Variants in SMKR1 observed in about 807,000 individuals in gnomAD.
The protein encoded by SMKR1 is small lysine-rich protein 1.
Under a neutral mutation model 4.0 loss-of-function variants are expected in SMKR1, and 4 were observed. The observed-to-expected ratio is 1.00, with a 90% CI of 0.49 to 2.30. The LOEUF (loss-of-function observed/expected upper bound fraction) is 2.30, where lower values mean the gene tolerates loss of function less well. SMKR1 is among the 30% of genes most tolerant of loss of function. The pLI is 0.02. For synonymous variants in SMKR1, 38 were observed against 32.5 expected, an observed-to-expected ratio of 1.17 and a Z score of -0.58; for missense variants, 56 against 81.8, an observed-to-expected ratio of 0.68 and a Z score of 1.22.
intron 1 of SMKR1, among the ~76,000 whole-genome samples, chr7:129,511,044 A>C (rs1799521207): frequency 6.6e-6 from 1 of 152,190 alleles, no homozygotes; most frequent in Admixed American, 6.5e-5. Flanking sequence ...TCCTGACCTC[A>C]GGTGATCCAC....
rs1293591411 is a variant in SMKR1, at chr7:129,502,575, G to T, written c.-250G>T. On this transcript the variant is annotated 5_prime_UTR_variant, in exon 1 of 2. Coordinates refer to ENST00000462322, the MANE Select transcript of SMKR1 (RefSeq NM_001195243.2). ...ACAGCTGCGGCGGCCTAGGTGCCGC[G>T]TGGGGCAAGCAGGTGCCTCGCGTCC... 4.8e-6 allele frequency: 2 copies of T among 417,498 alleles called. No homozygotes were observed. The highest frequency in any genetic ancestry group is 6.3e-4 in the Middle Eastern group (1 of 1,582). The allele number at this position is 417,498 out of a possible 1,614,324, so 25.9% of individuals were successfully genotyped here.
At position 129,502,759 on chromosome 7, in the gene SMKR1, G is replaced by C. The variant is rs1314450782; in HGVS notation, c.-66G>C. On this transcript the variant is annotated 5_prime_UTR_variant, in exon 1 of 2. Transcript: ENST00000462322. Reference sequence around the variant, plus strand: ...AACGGGCGCTGGGGGCAGCGGCCCCGGTGGATGCTAAGGGCTTCGGGATCG... The same window carrying C: ...AACGGGCGCTGGGGGCAGCGGCCCCCGTGGATGCTAAGGGCTTCGGGATCG... The C allele has an allele frequency of 2.0e-6, 3 of 1,534,542 alleles. No homozygotes were observed. The Admixed American group carries it at 5.9e-5, about 30-fold the overall frequency.
rs1328098597 is a variant in SMKR1, at chr7:129,503,225, G to C, written c.3+398G>C. On this transcript the variant is annotated intron_variant, in intron 1 of 1. Coordinates refer to ENST00000462322, the MANE Select transcript of SMKR1 (RefSeq NM_001195243.2). Reference sequence around the variant, plus strand: ...ATTCTCCACTGCTCTGCAGACTCAGGAAGCAGAGAGTGAGCCTGGTACCAC... The same window carrying C: ...ATTCTCCACTGCTCTGCAGACTCAGCAAGCAGAGAGTGAGCCTGGTACCAC... Among the ~76,000 whole-genome samples the C allele has an allele frequency of 1.3e-5, 2 of 151,752 alleles. 1 individual carries two copies. The highest frequency in any genetic ancestry group is 4.9e-5 in the African/African-American group (2 of 41,028).
intron 1 of SMKR1, among the ~76,000 whole-genome samples, chr7:129,509,322 A>G (rs182751410): frequency 6.6e-6 from 1 of 152,250 alleles, no homozygotes; most frequent in Non-Finnish European, 1.5e-5. Context: ...TCAAAAAATA[A>G]AAAAGAAAGA....
Position 129,502,574 on chromosome 7 carries a change from C to G in SMKR1, c.-251C>G. The G allele has an allele frequency of 2.4e-6, 1 of 416,424 alleles. No individual in the cohort carries two copies. Among genetic ancestry groups the G allele is most frequent in the East Asian group, 4.0e-5 (1 of 24,800 alleles). 25.8% of individuals were successfully genotyped at this position (416,424 alleles called of 1,614,324 possible). A position where few individuals can be genotyped will look rare whatever the true frequency, so the allele number is the denominator to read the frequency against. On this transcript the variant is annotated 5_prime_UTR_variant, in exon 1 of 2. Transcript: ENST00000462322. ...CACAGCTGCGGCGGCCTAGGTGCCGCGTGGGGCAAGCAGGTGCCTCGCGTC... is the reference window on the plus strand; with the variant it reads ...CACAGCTGCGGCGGCCTAGGTGCCGGGTGGGGCAAGCAGGTGCCTCGCGTC...
chr7:129,512,144 A>G, intron 1 of SMKR1, 103 bp from the exon 2 acceptor site: 1 of 1,164,350 alleles, frequency 8.6e-7, no homozygotes, highest in Non-Finnish European at 1.2e-6. Context: ...AGAGCATGTC[A>G]CTACACTCCA....
chr7:129,502,711 G>A lies in SMKR1; in HGVS notation c.-114G>A. On this transcript the variant is annotated 5_prime_UTR_variant, in exon 1 of 2. Transcript: ENST00000462322. ...GTGGCGGTTCCCTGAGGAGGGCCGA[G>A]AAGGGGCCGGGGGTGCTAGGGGAAC... 1.0e-5 allele frequency: 15 copies of A among 1,487,218 alleles called. No individual in the cohort carries two copies. Among genetic ancestry groups the A allele is most frequent in the Non-Finnish European group, 1.3e-5 (14 of 1,105,730 alleles). The allele number at this position is 1,487,218 out of a possible 1,614,324, so 92.1% of individuals were successfully genotyped here.
At chr7:129,506,020 C>A (rs914222713) in intron 1 of SMKR1, among the ~76,000 whole-genome samples, 3 of 152,116 alleles carry the variant, frequency 2.0e-5, no homozygotes, top group Non-Finnish European at 4.4e-5. Flanking sequence ...AGCCAAGAGC[C>A]ACAAAGTTGT....
intron 1 of SMKR1, among the ~76,000 whole-genome samples, chr7:129,511,652 A>G (rs1799528113): frequency 6.6e-6 from 1 of 152,190 alleles, no homozygotes; most frequent in African/African-American, 2.4e-5. Context: ...AACATTTGTC[A>G]AATTAGATTG....
At chr7:129,511,205 G>T (rs1799523446) in intron 1 of SMKR1, among the ~76,000 whole-genome samples, 1 of 152,180 alleles carries the variant, frequency 6.6e-6, no homozygotes, top group Admixed American at 6.5e-5. Context: ...ATACATATTT[G>T]CATCCTGATT....
chr7:129,512,484 G>A lies in SMKR1; in HGVS notation c.*43G>A. 1.3e-6 allele frequency: 2 copies of A among 1,492,608 alleles called. No homozygotes were observed. The highest frequency in any genetic ancestry group is 1.8e-6 in the Non-Finnish European group (2 of 1,126,868). 92.5% of individuals were successfully genotyped at this position (1,492,608 alleles called of 1,614,324 possible). ...TCTCTGTTACAGACAACAGGACCTG[G>A]GGAAGAGAAGTCAGGATAACACAAC... On this transcript the variant is annotated 3_prime_UTR_variant, in exon 2 of 2. Transcript: ENST00000462322.
chr7:129,505,886 G>A (rs528549547), intron 1 of SMKR1, among the ~76,000 whole-genome samples: 1 of 152,266 alleles, frequency 6.6e-6, no homozygotes, highest in South Asian at 2.1e-4. Flanking sequence ...AGCAAGCATT[G>A]CCCAGGGAGA....
chr7:129,512,577 G>A lies in SMKR1; in HGVS notation c.*136G>A. On this transcript the variant is annotated 3_prime_UTR_variant, in exon 2 of 2. Coordinates refer to ENST00000462322, the MANE Select transcript of SMKR1 (RefSeq NM_001195243.2). Reference sequence around the variant, plus strand: ...CAAATTAAGTGTGCTTTTCTGTGATGGTGGAAGATCAGGAAATGCACCTTA... The same window carrying A: ...CAAATTAAGTGTGCTTTTCTGTGATAGTGGAAGATCAGGAAATGCACCTTA... 1 of 923,948 alleles carries A rather than the reference G, an allele frequency of 1.1e-6. No homozygotes were observed. Among genetic ancestry groups the A allele is most frequent in the Non-Finnish European group, 1.5e-6 (1 of 648,074 alleles). 57.2% of individuals were successfully genotyped at this position (923,948 alleles called of 1,614,324 possible). A position where few individuals can be genotyped will look rare whatever the true frequency, so the allele number is the denominator to read the frequency against.
Position 129,504,564 on chromosome 7 carries a change from T to G in SMKR1, c.3+1737T>G, listed in dbSNP as rs994500922. Among the ~76,000 whole-genome samples the G allele has an allele frequency of 3.9e-5, 6 of 152,136 alleles. No individual in the cohort carries two copies. The East Asian group carries it at 1.2e-3, about 29-fold the overall frequency. On this transcript the variant is annotated intron_variant, in intron 1 of 1. Transcript: ENST00000462322. ...TTAATTTCTTTGTTTTTGTTTTTTTTTTTTTAGAGATAGGGTTTTGCTTTG... is the reference window on the plus strand; with the variant it reads ...TTAATTTCTTTGTTTTTGTTTTTTTGTTTTTAGAGATAGGGTTTTGCTTTG...
At chr7:129,510,363 A>G (rs1030894689) in intron 1 of SMKR1, among the ~76,000 whole-genome samples, 6 of 152,228 alleles carry the variant, frequency 3.9e-5, no homozygotes, top group Admixed American at 1.3e-4. Context: ...TGGGTAGCCT[A>G]ACTGAGCCCC....
In SMKR1 at chr7:129,512,377, G is replaced by A. The variant is rs1331965793; in HGVS notation, c.134G>A (p.Cys45Tyr). ...TACATCGCCCACAACGTCGCTGACT[G>A]CCTGCATCTGCGAGGCTTCCATTGG... The part of the protein sequence containing the change: ...LYYIAHNVAD[C>Y]LHLRGFHWPG... Residue 45 changes from cysteine (C) to tyrosine (Y), a missense_variant, in exon 2 of 2, where the codon TGC (cysteine) becomes TAC (tyrosine). Coordinates refer to ENST00000462322, the MANE Select transcript of SMKR1 (RefSeq NM_001195243.2). 1 of 1,536,038 alleles carries A rather than the reference G, an allele frequency of 6.5e-7. No homozygotes were observed. The highest frequency in any genetic ancestry group is 8.7e-7 in the Non-Finnish European group (1 of 1,146,898).
In SMKR1 at chr7:129,504,880, G is replaced by A. The variant is rs550848423; in HGVS notation, c.3+2053G>A. ...GGGCCCTTTCTTCACAGCATGGGTC[G>A]TGAGTAAATGCATTTGTGATTAGGT... On this transcript the variant is annotated intron_variant, in intron 1 of 1. Transcript: ENST00000462322. Among the ~76,000 whole-genome samples, 71 of 152,330 alleles carry A rather than the reference G, an allele frequency of 4.7e-4. 2 individuals carry two copies. In the South Asian group the frequency reaches 7.2e-3, roughly 16 times the overall value.
rs144698468 is a variant in SMKR1 at position 129,509,353 on chromosome 7, T to C, written c.4-2894T>C. The stretch of plus-strand genomic sequence containing the variant: ...AAAGAAAATCAAGACCCAAAGTCTT[T>C]AAGAGCTTCTGGTAAAATGTACATC... On this transcript the variant is annotated intron_variant, in intron 1 of 1. Coordinates refer to ENST00000462322, the MANE Select transcript of SMKR1 (RefSeq NM_001195243.2). 9.2e-5 allele frequency among the ~76,000 whole-genome samples: 14 copies of C among 152,206 alleles called. No individual in the cohort carries two copies. The East Asian group carries it at 2.7e-3, about 29-fold the overall frequency.
chr7:129,503,262 C>T (rs1440095879), intron 1 of SMKR1, among the ~76,000 whole-genome samples: 1 of 149,378 alleles, frequency 6.7e-6, no homozygotes, highest in East Asian at 1.9e-4. Flanking sequence ...ACCTTGCTGT[C>T]AACAGCATTC....
Sources: gnomAD v4.1 joint callset for allele counts (sites outside exome capture counted in the v4.1 genomes callset) on GRCh38, gnomAD v4.1.1 for gene constraint, MANE v1.5 for transcripts, NCBI Gene and HGNC (gene_info 2026-07-23, HGNC 2026-07-21) for gene names.